RTF1: variants seen among roughly 807,000 people sequenced by gnomAD.
RTF1 encodes RTF1 homolog, Paf1/RNA polymerase II complex component, also known as RNA polymerase-associated protein RTF1 homolog.
In RTF1, 10 loss-of-function variants were observed where a neutral mutation model predicts 95.7. That is an observed-to-expected ratio of 0.10 (90% CI 0.06 to 0.18). The LOEUF (loss-of-function observed/expected upper bound fraction) is 0.18. RTF1 is among the 10% of genes least tolerant of loss of function. The pLI is 1.00. For missense variants in RTF1, 458 were observed against 875.6 expected, an observed-to-expected ratio of 0.52 and a Z score of 6.02; for synonymous variants, 305 against 311.8, an observed-to-expected ratio of 0.98 and a Z score of 0.23.
In RTF1 at chr15:41,442,385, T is replaced by C. The variant is rs188299349; in HGVS notation, c.309+3954T>C. Among the ~76,000 whole-genome samples the C allele has an allele frequency of 2.0e-3, 298 of 152,024 alleles. 2 individuals carry two copies. Among genetic ancestry groups the C allele is most frequent in the African/African-American group, 6.9e-3 (288 of 41,494 alleles). On this transcript the variant is annotated intron_variant, in intron 2 of 17. Coordinates refer to ENST00000389629, the MANE Select transcript of RTF1 (RefSeq NM_015138.5). ...GGTTTTACAGTGCTAGCCAGGATGA[T>C]CTTGATATCCTGACCTCATGATCCG...
chr15:41,430,287 G>A (rs920887530), intron 1 of RTF1, among the ~76,000 whole-genome samples: 14 of 149,690 alleles, frequency 9.4e-5, no homozygotes, highest in Admixed American at 3.4e-4. Flanking sequence ...TCCACCTCCC[G>A]GGTTCAAGCG....
At chr15:41,468,016 T>G (rs1252661307) in intron 6 of RTF1, among the ~76,000 whole-genome samples, 1 of 151,598 alleles carries the variant, frequency 6.6e-6, no homozygotes, top group Non-Finnish European at 1.5e-5. Flanking sequence ...AGTACAAAAA[T>G]TAGTCAGGCG....
intron 3 of RTF1, among the ~76,000 whole-genome samples, chr15:41,455,554 C>CA (rs747675176): frequency 4.6e-5 from 7 of 152,064 alleles, no homozygotes; most frequent in Non-Finnish European, 8.8e-5. Flanking sequence ...CCTGTAGTCC[C>CA]AGCACTGTGG....
chr15:41,446,426 C>T lies in RTF1; in HGVS notation c.310-6475C>T, dbSNP rs189659612. Among the ~76,000 whole-genome samples, 41 of 152,000 alleles carry T rather than the reference C, an allele frequency of 2.7e-4. No homozygotes were observed. The East Asian group carries it at 2.9e-3, about 11-fold the overall frequency. On this transcript the variant is annotated intron_variant, in intron 2 of 17. Transcript: ENST00000389629. ...CTAAAAATACAAAAAATTAGCCAGG[C>T]GTGGTGGCGCACGCCTGTAGTCCCA...
chr15:41,459,071 CA>C (rs1373282529), intron 4 of RTF1, among the ~76,000 whole-genome samples: 1 of 150,772 alleles, frequency 6.6e-6, no homozygotes, highest in African/African-American at 2.4e-5. Context: ...GATTCCGTCT[CA>C]AAAAATAAAA....
intron 1 of RTF1, among the ~76,000 whole-genome samples, chr15:41,419,183 T>A (rs1197152533): frequency 1.3e-5 from 2 of 152,226 alleles, no homozygotes; most frequent in Non-Finnish European, 2.9e-5. Flanking sequence ...AATTTTAGAC[T>A]GGCAATTAGA....
intron 1 of RTF1, among the ~76,000 whole-genome samples, chr15:41,436,287 T>TA (rs746306495): frequency 0.059 from 5,649 of 95,114 alleles, 172 homozygotes; most frequent in Middle Eastern, 0.12. Flanking sequence ...CCGTCTCTAC[T>TA]AAAAAAAAAA....
Position 41,480,338 on chromosome 15 carries a change from G to A in RTF1, c.2026+13G>A. ...GTTCCCAGCTCAGGTATGTGAGGGTGGGGCGGGTGGTGAGGGCTGAGAACC... is the reference window on the plus strand; with the variant it reads ...GTTCCCAGCTCAGGTATGTGAGGGTAGGGCGGGTGGTGAGGGCTGAGAACC... On this transcript the variant is annotated intron_variant, in intron 17 of 17. Transcript: ENST00000389629. 6.4e-7 allele frequency: 1 copy of A among 1,563,536 alleles called. No individual in the cohort carries two copies. The highest frequency in any genetic ancestry group is 8.8e-7 in the Non-Finnish European group (1 of 1,133,842).
At chr15:41,450,091 G>T (rs1383248173) in intron 2 of RTF1, among the ~76,000 whole-genome samples, 1 of 152,108 alleles carries the variant, frequency 6.6e-6, no homozygotes, top group African/African-American at 2.4e-5. Flanking sequence ...AGCTGCTCAG[G>T]AGGCTGAGAT....
In RTF1 at chr15:41,482,836, GT is replaced by G. The variant is rs1331480752; in HGVS notation, c.*2153del. 6.6e-6 allele frequency: 1 copy of G among 152,150 alleles called. No homozygotes were observed. Among genetic ancestry groups the G allele is most frequent in the Non-Finnish European group, 1.5e-5 (1 of 67,984 alleles). The allele number at this position is 152,150 out of a possible 1,614,324, so 9.4% of individuals were successfully genotyped here. On this transcript the variant is annotated 3_prime_UTR_variant, in exon 18 of 18. Coordinates refer to ENST00000389629, the MANE Select transcript of RTF1 (RefSeq NM_015138.5). Reference sequence around the variant, plus strand: ...CTTGGACTTTTTTTTTTGATTTCTGGTTTTAAAAAACATAAAATTATAGAAT... The same window carrying G: ...CTTGGACTTTTTTTTTTGATTTCTGGTTTAAAAAACATAAAATTATAGAAT...
At chr15:41,445,024 C>T (rs182725843) in intron 2 of RTF1, among the ~76,000 whole-genome samples, 11 of 152,150 alleles carry the variant, frequency 7.2e-5, no homozygotes, top group Admixed American at 2.6e-4. Context: ...CTCCACCTCC[C>T]GGATTCACGC....
intron 1 of RTF1, among the ~76,000 whole-genome samples, chr15:41,428,527 C>T (rs1252014178): frequency 6.6e-6 from 1 of 151,304 alleles, no homozygotes; most frequent in African/African-American, 2.4e-5. Context: ...CTCAGCCTCC[C>T]AAAGTGCTGG....
intron 1 of RTF1, among the ~76,000 whole-genome samples, chr15:41,421,635 A>T (rs534247279): frequency 7.0e-6 from 1 of 142,854 alleles, no homozygotes; most frequent in Non-Finnish European, 1.5e-5. Context: ...TGTCCCAAAG[A>T]AAAAAAAAAA....
intron 3 of RTF1, among the ~76,000 whole-genome samples, chr15:41,455,256 G>C (rs1337247292): frequency 6.6e-6 from 1 of 151,290 alleles, no homozygotes; most frequent in African/African-American, 2.4e-5. Context: ...GGAGGTTGCA[G>C]TGAGCCGAGA....
intron 1 of RTF1, among the ~76,000 whole-genome samples, chr15:41,435,607 G>A (rs2050697917): frequency 6.6e-6 from 1 of 152,192 alleles, no homozygotes; most frequent in Non-Finnish European, 1.5e-5. Context: ...TGTTAACTCT[G>A]TCTAGTGAAA....
rs201409187 is a variant in RTF1, at chr15:41,457,078, C to T, written c.458-594C>T. 1.1e-4 allele frequency among the ~76,000 whole-genome samples: 16 copies of T among 151,784 alleles called. No homozygotes were observed. In the East Asian group the frequency reaches 1.4e-3, roughly 13 times the overall value. On this transcript the variant is annotated intron_variant, in intron 3 of 17. Transcript: ENST00000389629. ...TCCAGCCTGGGGCAGAGTGAGACTC[C>T]GTCTCAATAATAATAATAATAAATA...
At chr15:41,429,884 T>G (rs1051827819) in intron 1 of RTF1, among the ~76,000 whole-genome samples, 1 of 152,092 alleles carries the variant, frequency 6.6e-6, no homozygotes, top group Non-Finnish European at 1.5e-5. Context: ...GAATTCATTG[T>G]TTCTTTACTT....
At chr15:41,466,954 CTGT>C (rs1487578083) in intron 6 of RTF1, among the ~76,000 whole-genome samples, 2 of 152,170 alleles carry the variant, frequency 1.3e-5, no homozygotes, top group South Asian at 2.1e-4. Flanking sequence ...TGGGTTTGTT[CTGT>C]TGTTGTCATT....
intron 3 of RTF1, among the ~76,000 whole-genome samples, chr15:41,454,241 C>G (rs530704375): frequency 4.3e-4 from 66 of 152,168 alleles, no homozygotes; most frequent in African/African-American, 1.5e-3. Flanking sequence ...AGATGCTCAC[C>G]AGCACACTTA....
Sources: allele counts gnomAD v4.1 joint callset (sites outside exome capture counted in the v4.1 genomes callset), GRCh38; gene constraint gnomAD v4.1.1; transcripts MANE v1.5; gene names NCBI Gene and HGNC (gene_info 2026-07-23, HGNC 2026-07-21).